DLG2: variants seen among roughly 807,000 people sequenced by gnomAD.
DLG2 encodes the protein discs large MAGUK scaffold protein 2, also known as disks large homolog 2.
DLG2 carries 45 observed loss-of-function variants against 132.5 expected under a neutral mutation model. The observed-to-expected ratio is 0.34, with a 90% CI of 0.27 to 0.44. DLG2 has a LOEUF of 0.44. Ranked by LOEUF, DLG2 falls within the 20% of genes least tolerant of loss-of-function variation. DLG2 has a pLI of 1.00. For missense variants in DLG2, 1,045 were observed against 1,196.9 expected, an observed-to-expected ratio of 0.87 and a Z score of 1.87; for synonymous variants, 424 against 419.6, an observed-to-expected ratio of 1.01 and a Z score of -0.13.
chr11:84,523,583 T>C (rs2099311041), intron 7 of DLG2, among the ~76,000 whole-genome samples: 1 of 152,222 alleles, frequency 6.6e-6, no homozygotes, highest in African/African-American at 2.4e-5. Context: ...CCAGACTGTT[T>C]AGAAATATGG....
intron 3 of DLG2, among the ~76,000 whole-genome samples, chr11:85,410,382 C>G (rs2089202023): frequency 6.6e-6 from 1 of 151,422 alleles, no homozygotes; most frequent in Non-Finnish European, 1.5e-5. Flanking sequence ...AAATCAGGAC[C>G]AATAGTAGCC....
chr11:85,518,145 G>A (rs896519276), intron 3 of DLG2, among the ~76,000 whole-genome samples: 1 of 152,138 alleles, frequency 6.6e-6, no homozygotes, highest in African/African-American at 2.4e-5. Flanking sequence ...AGCAGAGTGG[G>A]GCAATGCTGA....
chr11:84,711,011 T>TATAG (rs1555178980), intron 6 of DLG2, among the ~76,000 whole-genome samples: 10 of 83,862 alleles, frequency 1.2e-4, no homozygotes, highest in African/African-American at 4.8e-4. Context: ...TATATATAGA[T>TATAG]ATATATATAT....
intron 6 of DLG2, among the ~76,000 whole-genome samples, chr11:84,569,745 C>T (rs1262748612): frequency 6.6e-6 from 1 of 152,120 alleles, no homozygotes; most frequent in East Asian, 1.9e-4. Context: ...GTGTCCTTTA[C>T]CCAATTTCTT....
intron 4 of DLG2, among the ~76,000 whole-genome samples, chr11:85,160,909 G>A (rs1353813663): frequency 1.3e-5 from 2 of 152,142 alleles, no homozygotes; most frequent in Non-Finnish European, 2.9e-5. Context: ...CAGAGTGAAG[G>A]GAAATCTTCC....
intron 6 of DLG2, among the ~76,000 whole-genome samples, chr11:84,613,633 G>A (rs2099599183): frequency 6.6e-6 from 1 of 152,128 alleles, no homozygotes; most frequent in African/African-American, 2.4e-5. Flanking sequence ...TAGTTGTTTT[G>A]TTGCTTTTAC....
At chr11:84,036,623 C>T (rs1046110689) in intron 11 of DLG2, among the ~76,000 whole-genome samples, 1 of 151,960 alleles carries the variant, frequency 6.6e-6, no homozygotes, top group South Asian at 2.1e-4. Context: ...TTGATGAAAG[C>T]CCAGATAATT....
intron 3 of DLG2, among the ~76,000 whole-genome samples, chr11:85,352,995 A>G (rs1332176512): frequency 2.0e-5 from 3 of 152,196 alleles, no homozygotes; most frequent in African/African-American, 7.2e-5. Flanking sequence ...ATGGGATCTA[A>G]TTAAACTAAA....
rs1348603728 is a variant in DLG2 at position 84,841,986 on chromosome 11, T to C, written c.357+269675A>G. ...ATTTCCTAATGATAAACTCCCAAAA[T>C]TGAGATTCCTAGATCTATGGGCCTT... is the stretch of plus-strand genomic sequence containing the variant. On this transcript the variant is annotated intron_variant, in intron 6 of 27. Transcript: ENST00000376104. Among the ~76,000 whole-genome samples the C allele has an allele frequency of 1.3e-5, 2 of 152,004 alleles. 1 individual carries two copies. Among genetic ancestry groups the C allele is most frequent in the South Asian group, 4.1e-4 (2 of 4,830 alleles).
rs76176971 is a variant in DLG2, at chr11:83,510,758, G to C, written c.2193+21950C>G. 6.9e-3 allele frequency among the ~76,000 whole-genome samples: 1,040 copies of C among 150,918 alleles called. 18 individuals are homozygous for C. Among genetic ancestry groups the C allele is most frequent in the African/African-American group, 0.025 (1,008 of 41,122 alleles). ...AGACTGTGTTTTCTATGACAAGCAG[G>C]GCCAGTCAGAGGAGTGAATCACATT... is the stretch of plus-strand genomic sequence containing the variant. On this transcript the variant is annotated intron_variant, in intron 21 of 27. Transcript: ENST00000376104.
At chr11:85,464,258 A>G (rs981564051) in intron 3 of DLG2, among the ~76,000 whole-genome samples, 1 of 152,142 alleles carries the variant, frequency 6.6e-6, no homozygotes, top group Non-Finnish European at 1.5e-5. Context: ...CACAGACAAA[A>G]TCAATCCACT....
At chr11:85,192,373 G>T (rs1307285959) in intron 4 of DLG2, among the ~76,000 whole-genome samples, 1 of 152,194 alleles carries the variant, frequency 6.6e-6, no homozygotes, top group Non-Finnish European at 1.5e-5. Flanking sequence ...AAGGAATTCT[G>T]ATGGGACTGT....
At chr11:84,116,716 T>C (rs1272447274) in intron 9 of DLG2, among the ~76,000 whole-genome samples, 1 of 152,162 alleles carries the variant, frequency 6.6e-6, no homozygotes, top group Non-Finnish European at 1.5e-5. Context: ...GTATGACAAG[T>C]AAAGCTAAAG....
At chr11:83,775,571 T>C (rs1039450176) in intron 18 of DLG2, among the ~76,000 whole-genome samples, 4 of 152,236 alleles carry the variant, frequency 2.6e-5, no homozygotes, top group Non-Finnish European at 5.9e-5. Context: ...GCTTCATACA[T>C]GCGAGTTTTA....
chr11:85,546,412 T>C (rs2076327049), intron 3 of DLG2, among the ~76,000 whole-genome samples: 2 of 152,164 alleles, frequency 1.3e-5, no homozygotes, highest in South Asian at 4.1e-4. Context: ...TTACTTCCAA[T>C]TATGTGGCCA....
chr11:83,929,789 G>A (rs931886131), intron 15 of DLG2, among the ~76,000 whole-genome samples: 4 of 152,068 alleles, frequency 2.6e-5, no homozygotes, highest in Non-Finnish European at 5.9e-5. Flanking sequence ...TTTACGTTCC[G>A]TGTGGTGAGA....
intron 8 of DLG2, among the ~76,000 whole-genome samples, chr11:84,199,231 A>G (rs2096561539): frequency 6.6e-6 from 1 of 152,170 alleles, no homozygotes; most frequent in African/African-American, 2.4e-5. Flanking sequence ...CTAGGCAGCT[A>G]CTACAGTGAG....
chr11:84,925,444 A>C (rs1446739438), intron 6 of DLG2, among the ~76,000 whole-genome samples: 1 of 152,160 alleles, frequency 6.6e-6, no homozygotes, highest in Non-Finnish European at 1.5e-5. Context: ...TCTAGCCTAC[A>C]AAATCCCAGT....
At position 83,825,251 on chromosome 11, in the gene DLG2, G is replaced by T. The variant is rs867176880; in HGVS notation, c.1722+8363C>A. Among the ~76,000 whole-genome samples, 18 of 133,878 alleles carry T rather than the reference G, an allele frequency of 1.3e-4. No homozygotes were observed. The South Asian group carries it at 2.4e-3, about 18-fold the overall frequency. The allele number at this position is 133,878 out of a possible 152,430, so 87.8% of individuals were successfully genotyped here. On this transcript the variant is annotated intron_variant, in intron 17 of 27. Transcript: ENST00000376104. Reference sequence around the variant, plus strand: ...GGCTGGAATGCAATGGCATGATCTTGGCTCACCGCAACCTCCGCCTCCCAG... The same window carrying T: ...GGCTGGAATGCAATGGCATGATCTTTGCTCACCGCAACCTCCGCCTCCCAG...
Sources: allele counts gnomAD v4.1 joint callset (sites outside exome capture counted in the v4.1 genomes callset), GRCh38; gene constraint gnomAD v4.1.1; transcripts MANE v1.5; gene names NCBI Gene and HGNC (gene_info 2026-07-23, HGNC 2026-07-21).